The following MED26 variants were observed in gnomAD, a reference collection of about 807,000 sequenced individuals.
MED26 encodes mediator of RNA polymerase II transcription subunit 26.
A neutral mutation model predicts 43.7 loss-of-function variants in MED26; 7 were observed. That is an observed-to-expected ratio of 0.16 (90% CI 0.09 to 0.30). MED26 has a LOEUF of 0.30. MED26 is among the 10% of genes least tolerant of loss of function. The pLI is 1.00. For missense variants in MED26, 784 were observed against 840.6 expected (o/e 0.93, Z 0.83); for synonymous variants, 375 against 371.1 (o/e 1.01, Z -0.12).
At chr19:16,626,899 G>A (rs2086279145) in intron 1 of MED26, among the ~76,000 whole-genome samples, 1 of 151,816 alleles carries the variant, frequency 6.6e-6, no homozygotes, top group African/African-American at 2.4e-5. Flanking sequence ...GAAAATATGA[G>A]AATAGATCAG....
intron 1 of MED26, among the ~76,000 whole-genome samples, chr19:16,602,887 A>T (rs1028137423): frequency 1.3e-5 from 2 of 152,238 alleles, no homozygotes; most frequent in African/African-American, 2.4e-5. Context: ...CAAGATGAAG[A>T]GTCCTGGAGA....
intron 1 of MED26, among the ~76,000 whole-genome samples, chr19:16,615,993 G>A (rs1158856590): frequency 6.6e-6 from 1 of 152,144 alleles, no homozygotes; most frequent in Non-Finnish European, 1.5e-5. Context: ...ACCAATCACT[G>A]CCCAGGAAGA....
At chr19:16,578,481 C>A (rs2086025820) in intron 1 of MED26, 72 bp from the exon 2 acceptor site, 1 of 1,426,862 alleles carries the variant, frequency 7.0e-7, no homozygotes, top group Admixed American at 1.8e-5. Context: ...CCTGCCCCAG[C>A]CTGCTCCAGT....
chr19:16,627,860 G>A lies in MED26; in HGVS notation c.72+12C>T, dbSNP rs1232006022. 4.0e-6 allele frequency: 6 copies of A among 1,483,858 alleles called. No homozygotes were observed. The African/African-American group carries it at 5.8e-5, about 14-fold the overall frequency. 91.9% of individuals were successfully genotyped at this position (1,483,858 alleles called of 1,614,324 possible). A position where few individuals can be genotyped will look rare whatever the true frequency, so the allele number is the denominator to read the frequency against. ...TGCGGCCTCCGTCCCAGCTCGCGCG[G>A]CGGGTACTTACGTTGCTCTGGGGGT... is the stretch of plus-strand genomic sequence containing the variant. On this transcript the variant is annotated intron_variant, in intron 1 of 2. Transcript: ENST00000263390.
At chr19:16,625,255 G>A (rs1305295314) in intron 1 of MED26, among the ~76,000 whole-genome samples, 1 of 152,164 alleles carries the variant, frequency 6.6e-6, no homozygotes, top group Admixed American at 6.5e-5. Flanking sequence ...GCTGCTATAG[G>A]AATTCAAATG....
At chr19:16,590,983 T>C (rs2086094196) in intron 1 of MED26, among the ~76,000 whole-genome samples, 2 of 151,640 alleles carry the variant, frequency 1.3e-5, no homozygotes, top group Admixed American at 1.3e-4. Context: ...GAGGTTGCAG[T>C]GAGCTGAGAT....
chr19:16,576,233 G>T lies in MED26; in HGVS notation c.1597C>A (p.Pro533Thr). Reference sequence around the variant, plus strand: ...GGGAGGTCCGTGGGCGGGCTTTGAGGCACCAGCACATGCAGCTGCCTGGCC... The same window carrying T: ...GGGAGGTCCGTGGGCGGGCTTTGAGTCACCAGCACATGCAGCTGCCTGGCC... ...QGARQLHVLV[P>T]QSPPTDLPGL... Residue 533 changes from proline (P) to threonine (T), a missense_variant, in exon 3 of 3, where the codon CCT becomes ACT. Around this residue, in one of 3 missense-constraint regions of MED26, gnomAD observed 719 missense variants for 730.9 expected, o/e 0.98. Transcript: ENST00000263390. The surrounding 1 kb of genome is among the most constrained non-coding windows in gnomAD (Gnocchi z 6.8). 6.2e-7 allele frequency: 1 copy of T among 1,611,332 alleles called. No individual in the cohort carries two copies. Among genetic ancestry groups the T allele is most frequent in the Non-Finnish European group, 8.5e-7 (1 of 1,180,010 alleles).
In MED26 at chr19:16,587,422, C is replaced by T. The variant is rs975290152; in HGVS notation, c.73-9013G>A. The T allele has an allele frequency of 4.6e-5, 7 of 152,380 alleles. No individual in the cohort carries two copies. Among genetic ancestry groups the T allele is most frequent in the African/African-American group, 1.2e-4 (5 of 41,460 alleles). 9.4% of individuals were successfully genotyped at this position (152,380 alleles called of 1,614,324 possible). A position where few individuals can be genotyped will look rare whatever the true frequency, so the allele number is the denominator to read the frequency against. On this transcript the variant is annotated intron_variant, in intron 1 of 2. Transcript: ENST00000263390. The surrounding 1 kb of genome is among the most constrained non-coding windows in gnomAD (Gnocchi z 4.9). ...TGCTTACCCTCAGGCGGGCCCCACC[C>T]TGCACTCTCCGCTCAGCCTCATGGG...
At chr19:16,597,480 C>T (rs1213068862) in intron 1 of MED26, 2 of 398,628 alleles carry the variant, frequency 5.0e-6, no homozygotes, top group Non-Finnish European at 8.8e-6. Flanking sequence ...TAAGGTTAGA[C>T]AACAGAAACA....
At chr19:16,608,051 G>A (rs1379058821) in intron 1 of MED26, among the ~76,000 whole-genome samples, 1 of 152,230 alleles carries the variant, frequency 6.6e-6, no homozygotes, top group Non-Finnish European at 1.5e-5. Flanking sequence ...GGGCCCTGGT[G>A]GGCAAGGCTC....
chr19:16,579,907 C>T (rs1191084545), intron 1 of MED26, among the ~76,000 whole-genome samples: 1 of 152,222 alleles, frequency 6.6e-6, no homozygotes, highest in African/African-American at 2.4e-5. Flanking sequence ...TGGTTCTTGC[C>T]TTTTCTGACT....
At chr19:16,625,462 T>A (rs2086270182) in intron 1 of MED26, among the ~76,000 whole-genome samples, 1 of 152,062 alleles carries the variant, frequency 6.6e-6, no homozygotes, top group Admixed American at 6.6e-5. Context: ...CCCATAAAGG[T>A]AAGCATTACA....
At chr19:16,614,750 C>A (rs1444659723) in intron 1 of MED26, among the ~76,000 whole-genome samples, 1 of 152,122 alleles carries the variant, frequency 6.6e-6, no homozygotes, top group Non-Finnish European at 1.5e-5. Context: ...CTCCAACAGA[C>A]CCCTCGAACC....
At chr19:16,623,656 T>C (rs1209923224) in intron 1 of MED26, among the ~76,000 whole-genome samples, 1 of 152,188 alleles carries the variant, frequency 6.6e-6, no homozygotes, top group Non-Finnish European at 1.5e-5. Context: ...AGCCCCAATC[T>C]GTAATCTCAC....
At chr19:16,583,497 G>C (rs942477560) in intron 1 of MED26, among the ~76,000 whole-genome samples, 2 of 152,212 alleles carry the variant, frequency 1.3e-5, no homozygotes, top group African/African-American at 4.8e-5. Flanking sequence ...TGAAGGGCAA[G>C]GGTGTTGGGT....
At chr19:16,623,661 T>C (rs1263348064) in intron 1 of MED26, among the ~76,000 whole-genome samples, 2 of 152,164 alleles carry the variant, frequency 1.3e-5, no homozygotes, top group Non-Finnish European at 2.9e-5. Flanking sequence ...CAATCTGTAA[T>C]CTCACATACA....
chr19:16,602,692 G>C (rs902990057), intron 1 of MED26, among the ~76,000 whole-genome samples: 10 of 152,196 alleles, frequency 6.6e-5, no homozygotes, highest in Non-Finnish European at 1.5e-4. Flanking sequence ...CCTGACACAT[G>C]CAACAACACA....
chr19:16,624,291 G>A (rs2086263959), intron 1 of MED26: 1 of 152,156 alleles, frequency 6.6e-6, no homozygotes, highest in African/African-American at 2.4e-5. Flanking sequence ...CAATTCTTAG[G>A]TGGGAAAATG....
At chr19:16,626,342 C>T (rs2086274636) in intron 1 of MED26, among the ~76,000 whole-genome samples, 1 of 152,158 alleles carries the variant, frequency 6.6e-6, no homozygotes, top group Non-Finnish European at 1.5e-5. Flanking sequence ...GTTTTATCCT[C>T]TAATATTTCA....
Sources: allele counts gnomAD v4.1 joint callset (sites outside exome capture counted in the v4.1 genomes callset), GRCh38; gene constraint gnomAD v4.1.1; regional missense constraint gnomAD v4.1.1; non-coding constraint Gnocchi (gnomAD v3.1); transcripts MANE v1.5; gene names NCBI Gene and HGNC (gene_info 2026-07-23, HGNC 2026-07-21).